The following RANBP17 variants were observed in gnomAD, a reference collection of about 807,000 sequenced individuals.
RANBP17 encodes RAN binding protein 17.
Under a neutral mutation model 141.2 loss-of-function variants are expected in RANBP17, and 158 were observed. The ratio of observed to expected loss-of-function variants is 1.12; its 90% CI spans 0.98 to 1.28. The LOEUF (loss-of-function observed/expected upper bound fraction) is 1.28, where lower values mean the gene tolerates loss of function less well. Ranked by LOEUF, RANBP17 falls within the 50% of genes most tolerant of loss-of-function variation. The probability of loss-of-function intolerance (pLI) is 0.00; values close to 1 mark genes in which losing one functional copy is unlikely to be tolerated. For missense variants in RANBP17, 1,438 were observed against 1,290.7 expected, an observed-to-expected ratio of 1.11 and a Z score of -1.75; for synonymous variants, 430 against 450.0, an observed-to-expected ratio of 0.96 and a Z score of 0.56.
At chr5:171,279,383 A>G (rs1256936262) in intron 25 of RANBP17, among the ~76,000 whole-genome samples, 1 of 152,208 alleles carries the variant, frequency 6.6e-6, no homozygotes, top group Non-Finnish European at 1.5e-5. Context: ...CCCAACGTCA[A>G]GGGTCTGCAT....
In RANBP17 at chr5:170,991,586, C is replaced by G. The variant is rs78116217; in HGVS notation, c.1710+23209C>G. On this transcript the variant is annotated intron_variant, in intron 14 of 27. Coordinates refer to ENST00000523189, the MANE Select transcript of RANBP17 (RefSeq NM_022897.5). ...ATAAAGATGCGGGAAGCAGCTTGGC[C>G]TTTTCATCAGATAGATCTCCAGCCA... 5.2e-3 allele frequency among the ~76,000 whole-genome samples: 794 copies of G among 151,992 alleles called. 7 individuals are homozygous for G. Among genetic ancestry groups the G allele is most frequent in the African/African-American group, 0.018 (742 of 41,488 alleles).
intron 25 of RANBP17, chr5:171,271,761 T>C (rs1767129295): frequency 4.6e-6 from 1 of 215,960 alleles, no homozygotes; most frequent in Non-Finnish European, 9.3e-6. Flanking sequence ...CAGGGATATG[T>C]CATTAGACAC....
At chr5:171,153,995 C>G (rs369760598) in intron 14 of RANBP17, among the ~76,000 whole-genome samples, 10 of 151,716 alleles carry the variant, frequency 6.6e-5, no homozygotes, top group African/African-American at 2.4e-4. Flanking sequence ...CCACTGCACT[C>G]CAGCCTGGGC....
chr5:170,954,053 G>A (rs1284799390), intron 13 of RANBP17, among the ~76,000 whole-genome samples: 4 of 152,178 alleles, frequency 2.6e-5, no homozygotes, highest in Non-Finnish European at 5.9e-5. Context: ...TAGGTAGTCA[G>A]TTACCCATCG....
chr5:171,098,919 A>G (rs1786911846), intron 14 of RANBP17, among the ~76,000 whole-genome samples: 1 of 152,072 alleles, frequency 6.6e-6, no homozygotes. Flanking sequence ...TAAAAATCAG[A>G]TGGTTGTAGA....
intron 20 of RANBP17, chr5:171,206,875 C>T (rs1245854626): frequency 5.4e-6 from 1 of 185,276 alleles, no homozygotes; most frequent in Non-Finnish European, 1.1e-5. Flanking sequence ...TAATCATGCA[C>T]ATGGTTTTTA....
intron 21 of RANBP17, among the ~76,000 whole-genome samples, chr5:171,215,080 G>A (rs1222436630): frequency 6.6e-6 from 1 of 151,366 alleles, no homozygotes; most frequent in Non-Finnish European, 1.5e-5. Flanking sequence ...ACAGGCCCCG[G>A]TGTGTGATGT....
chr5:171,019,009 G>A (rs1780648722), intron 14 of RANBP17, among the ~76,000 whole-genome samples: 1 of 152,164 alleles, frequency 6.6e-6, no homozygotes, highest in Admixed American at 6.5e-5. Flanking sequence ...CATCTATTGA[G>A]ATAATCCTGT....
intron 14 of RANBP17, among the ~76,000 whole-genome samples, chr5:171,125,397 TA>T (rs200607180): frequency 0.026 from 2,092 of 80,260 alleles, 34 homozygotes; most frequent in African/African-American, 0.07. Flanking sequence ...AAACAAAGGG[TA>T]AAAAAAAAAA....
chr5:171,105,909 G>GT (rs1055965596), intron 14 of RANBP17, among the ~76,000 whole-genome samples: 5 of 152,086 alleles, frequency 3.3e-5, no homozygotes, highest in African/African-American at 1.2e-4. Context: ...ACCTTTATTT[G>GT]TTTTTTGTCA....
intron 1 of RANBP17, among the ~76,000 whole-genome samples, chr5:170,874,073 C>T (rs1315966566): frequency 1.3e-5 from 2 of 152,086 alleles, no homozygotes; most frequent in African/African-American, 4.8e-5. Context: ...CATAGAATTT[C>T]TTGATTTCTG....
intron 14 of RANBP17, among the ~76,000 whole-genome samples, chr5:171,039,017 G>A (rs1782068984): frequency 1.3e-5 from 2 of 152,084 alleles, no homozygotes; most frequent in African/African-American, 4.8e-5. Context: ...TTGCTTTTGT[G>A]AATAGTGCTG....
intron 24 of RANBP17, among the ~76,000 whole-genome samples, chr5:171,261,091 A>AC: frequency 2.2e-4 from 1 of 4,562 alleles, no homozygotes; most frequent in African/African-American, 1.1e-3. Flanking sequence ...CACCCCCCCC[A>AC]AAAAAAAAAA....
chr5:171,225,664 T>A (rs1283637558), intron 22 of RANBP17, among the ~76,000 whole-genome samples: 1 of 152,200 alleles, frequency 6.6e-6, no homozygotes, highest in Non-Finnish European at 1.5e-5. Flanking sequence ...TCTGTTTCCA[T>A]CCTCACTGGG....
At chr5:171,055,519 T>C (rs1367504793) in intron 14 of RANBP17, among the ~76,000 whole-genome samples, 2 of 152,192 alleles carry the variant, frequency 1.3e-5, no homozygotes, top group Non-Finnish European at 2.9e-5. Flanking sequence ...TTTTCACATA[T>C]GCTTTTTAAA....
chr5:170,909,912 C>G, intron 6 of RANBP17, 147 bp downstream of exon 6: 2 of 507,244 alleles, frequency 3.9e-6, no homozygotes, highest in South Asian at 6.1e-5. Flanking sequence ...TTGCATAAGT[C>G]TGTAAGCAGT....
chr5:170,910,342 A>G (rs546057424), intron 6 of RANBP17: 2 of 152,770 alleles, frequency 1.3e-5, no homozygotes, highest in African/African-American at 2.4e-5. Context: ...TGCTGAAAGT[A>G]TGCTTCAATA....
chr5:171,028,547 TA>T lies in RANBP17; in HGVS notation c.1710+60177del, dbSNP rs200575382. Among the ~76,000 whole-genome samples the T allele has an allele frequency of 7.9e-4, 121 of 152,284 alleles. 1 individual carries two copies. In the East Asian group the frequency reaches 0.019, roughly 25 times the overall value. On this transcript the variant is annotated intron_variant, in intron 14 of 27. Transcript: ENST00000523189. ...TCTTCCATATCTAACCTTAAGCATT[TA>T]AAAAAATATTTTAGGACTAATTATT... is the stretch of plus-strand genomic sequence containing the variant.
intron 12 of RANBP17, among the ~76,000 whole-genome samples, chr5:170,940,179 G>T (rs1774211955): frequency 6.6e-6 from 1 of 152,106 alleles, no homozygotes; most frequent in Non-Finnish European, 1.5e-5. Context: ...AAAGTTGAAA[G>T]TAAAAGGATT....
Sources: gnomAD v4.1 joint callset for allele counts (sites outside exome capture counted in the v4.1 genomes callset) on GRCh38, gnomAD v4.1.1 for gene constraint, MANE v1.5 for transcripts, NCBI Gene and HGNC (gene_info 2026-07-23, HGNC 2026-07-21) for gene names.